The following BRD4 variants were observed in gnomAD, a reference collection of about 807,000 sequenced individuals.
BRD4 encodes bromodomain-containing protein 4.
BRD4 carries 16 observed loss-of-function variants against 142.1 expected under a neutral mutation model. That is an observed-to-expected ratio of 0.11 (90% CI 0.08 to 0.17). The LOEUF (loss-of-function observed/expected upper bound fraction) is 0.17, where lower values mean the gene tolerates loss of function less well. Ranked by LOEUF, BRD4 falls within the 10% of genes least tolerant of loss-of-function variation. The pLI is 1.00. For missense variants in BRD4, 1,424 were observed against 1,810.9 expected (o/e 0.79, Z 3.88); for synonymous variants, 833 against 707.5 (o/e 1.18, Z -2.82).
At chr19:15,299,808 G>A (rs2047852845) in intron 1 of BRD4, among the ~76,000 whole-genome samples, 1 of 152,212 alleles carries the variant, frequency 6.6e-6, no homozygotes, top group African/African-American at 2.4e-5. Context: ...CTTACGGCAA[G>A]TGGCCACCCA....
chr19:15,286,238 T>C (rs962464576), intron 1 of BRD4, among the ~76,000 whole-genome samples: 7 of 152,166 alleles, frequency 4.6e-5, no homozygotes, highest in East Asian at 1.9e-4. Context: ...AAAAGGAGCA[T>C]AGCCCCTCCC....
intron 7 of BRD4, among the ~76,000 whole-genome samples, chr19:15,258,528 C>T (rs2047436679): frequency 6.6e-6 from 1 of 152,198 alleles, no homozygotes; most frequent in Non-Finnish European, 1.5e-5. Flanking sequence ...AACAGATCCA[C>T]TTGCCACAGC....
chr19:15,320,796 C>T (rs2048054922), intron 1 of BRD4, among the ~76,000 whole-genome samples: 1 of 152,236 alleles, frequency 6.6e-6, no homozygotes, highest in South Asian at 2.1e-4. Context: ...TACACACATC[C>T]TTAACTATCT....
chr19:15,252,296 G>A (rs931275151), intron 11 of BRD4, among the ~76,000 whole-genome samples: 6 of 152,192 alleles, frequency 3.9e-5, no homozygotes, highest in Admixed American at 2.0e-4. Context: ...ACACTGCCAC[G>A]ACCACGTCAT....
chr19:15,287,417 T>G (rs566599883), intron 1 of BRD4, among the ~76,000 whole-genome samples: 16 of 152,318 alleles, frequency 1.1e-4, no homozygotes, highest in Non-Finnish European at 1.3e-4. Context: ...ATTTATGTAT[T>G]TATTTTCTTT....
intron 1 of BRD4, among the ~76,000 whole-genome samples, chr19:15,320,069 C>G (rs2048048665): frequency 6.6e-6 from 1 of 152,270 alleles, no homozygotes; most frequent in East Asian, 1.9e-4. Context: ...TGCCTATGTG[C>G]ATTTTTGTGG....
chr19:15,328,931 G>C (rs2048133066), intron 1 of BRD4, among the ~76,000 whole-genome samples: 1 of 152,120 alleles, frequency 6.6e-6, no homozygotes, highest in Non-Finnish European at 1.5e-5. Context: ...GCGCCACTAT[G>C]CCCGGCTAAT....
chr19:15,287,200 A>G (rs1011050777), intron 1 of BRD4, among the ~76,000 whole-genome samples: 3 of 151,810 alleles, frequency 2.0e-5, no homozygotes, highest in African/African-American at 7.3e-5. Context: ...CCTGTATGCA[A>G]AAAAATGTTT....
intron 11 of BRD4, chr19:15,249,423 T>C (rs1220355097): frequency 2.7e-6 from 4 of 1,487,548 alleles, no homozygotes; most frequent in Non-Finnish European, 3.7e-6. Flanking sequence ...AGAACGGCAC[T>C]GGAGACTGGA....
In BRD4 at chr19:15,239,772, T is replaced by C. The variant is rs1044584643; in HGVS notation, c.3332A>G (p.Lys1111Arg). The change falls in exon 16 of 20, where the codon AAG becomes AGG. Residue 1111 changes from lysine (K) to arginine (R), a missense_variant. Coordinates refer to ENST00000679869, the MANE Select transcript of BRD4 (RefSeq NM_001379291.1). The surrounding 1 kb of genome is among the most constrained non-coding windows in gnomAD (Gnocchi z 7.4). ...VVQPQPLVVV[K>R]EEKIHSPIIR... ...GATGGGTGAGTGGATCTTCTCCTCC[T>C]TCACCACCACGAGGGGCTGGGGCTG... is the stretch of plus-strand genomic sequence containing the variant. The C allele has an allele frequency of 1.6e-5, 26 of 1,611,900 alleles. No homozygotes were observed. Among genetic ancestry groups the C allele is most frequent in the Non-Finnish European group, 2.2e-5 (26 of 1,179,786 alleles).
chr19:15,325,986 A>T (rs2048104265), intron 1 of BRD4, among the ~76,000 whole-genome samples: 1 of 139,362 alleles, frequency 7.2e-6, no homozygotes. Context: ...CAACAGAGCA[A>T]GACTCCGTCT....
chr19:15,276,647 G>C (rs1218088612), intron 1 of BRD4, among the ~76,000 whole-genome samples: 1 of 152,068 alleles, frequency 6.6e-6, no homozygotes, highest in Non-Finnish European at 1.5e-5. Context: ...TGAACCCTTA[G>C]TGACCATACC....
At chr19:15,273,226 C>T in intron 1 of BRD4, 93 bp from the exon 2 acceptor site, 1 of 1,316,200 alleles carries the variant, frequency 7.6e-7, no homozygotes, top group Non-Finnish European at 1.0e-6. Flanking sequence ...TCTCCAAGGA[C>T]TGAGTTCCCT....
chr19:15,251,642 G>A (rs2047348410), intron 11 of BRD4, among the ~76,000 whole-genome samples: 1 of 152,320 alleles, frequency 6.6e-6, no homozygotes, highest in Middle Eastern at 3.4e-3. Flanking sequence ...CCCCCGCCCT[G>A]AGAGTGCAGA....
chr19:15,306,180 C>G (rs1452976103), intron 1 of BRD4, among the ~76,000 whole-genome samples: 1 of 152,220 alleles, frequency 6.6e-6, no homozygotes, highest in South Asian at 2.1e-4. Flanking sequence ...TGGAGTCACA[C>G]TTTTAATTTC....
At chr19:15,327,266 CG>C (rs1297985606) in intron 1 of BRD4, among the ~76,000 whole-genome samples, 4 of 152,164 alleles carry the variant, frequency 2.6e-5, no homozygotes. Context: ...AGGCCAGGCG[CG>C]GTGGCTCACG....
chr19:15,249,741 C>A (rs1373633754), intron 11 of BRD4, among the ~76,000 whole-genome samples: 2 of 152,154 alleles, frequency 1.3e-5, no homozygotes, highest in African/African-American at 4.8e-5. Flanking sequence ...AGGGGCTGTG[C>A]ACTGTCTAGT....
chr19:15,271,250 C>T (rs1411987528), intron 2 of BRD4, among the ~76,000 whole-genome samples: 2 of 152,224 alleles, frequency 1.3e-5, no homozygotes, highest in Admixed American at 6.5e-5. Context: ...AAGCTGACCC[C>T]TCTGCTATTC....
chr19:15,261,551 C>T lies in BRD4; in HGVS notation c.1341+1869G>A, dbSNP rs962275355. Among the ~76,000 whole-genome samples, 5 of 151,988 alleles carry T rather than the reference C, an allele frequency of 3.3e-5. No homozygotes were observed. In the South Asian group the frequency reaches 1.0e-3, roughly 32 times the overall value. On this transcript the variant is annotated intron_variant, in intron 7 of 19. Transcript: ENST00000679869. ...CTCCTTCAAGGATGGGAAATGCAAA[C>T]ATGAATGATGAAGGGGCAATGTTGT...
Sources: gnomAD v4.1 joint callset for allele counts (sites outside exome capture counted in the v4.1 genomes callset) on GRCh38, gnomAD v4.1.1 for gene constraint, Gnocchi (gnomAD v3.1) non-coding constraint, MANE v1.5 for transcripts, NCBI Gene and HGNC (gene_info 2026-07-23, HGNC 2026-07-21) for gene names.